Variants in PELI2 observed in about 807,000 individuals in gnomAD.
PELI2 encodes pellino E3 ubiquitin protein ligase family member 2.
In PELI2, 23 loss-of-function variants were observed where a neutral mutation model predicts 42.3. The ratio of observed to expected loss-of-function variants is 0.54; its 90% CI spans 0.39 to 0.77. The LOEUF is 0.77. Among genes scored for constraint, PELI2 ranks in the 30% least tolerant of loss-of-function variants. The pLI is 0.00. For synonymous variants in PELI2, 245 were observed against 212.2 expected, an observed-to-expected ratio of 1.15 and a Z score of -1.34; for missense variants, 463 against 553.2, an observed-to-expected ratio of 0.84 and a Z score of 1.64.
chr14:56,297,195 TA>T lies in PELI2; in HGVS notation c.*31del, dbSNP rs1566691890. 1.3e-6 allele frequency: 2 copies of T among 1,496,124 alleles called. No individual in the cohort carries two copies. Among genetic ancestry groups the T allele is most frequent in the East Asian group, 2.3e-5 (1 of 43,208 alleles). 92.7% of individuals were successfully genotyped at this position (1,496,124 alleles called of 1,614,324 possible). The stretch of plus-strand genomic sequence containing the variant: ...CCTTGACAGCCATCTACGACTTTAT[TA>T]ACAGGTTACTGTGAAGATTTTGCCA... On this transcript the variant is annotated 3_prime_UTR_variant, in exon 6 of 6. Coordinates refer to ENST00000267460, the MANE Select transcript of PELI2 (RefSeq NM_021255.3).
chr14:56,187,968 G>A (rs753818744), intron 2 of PELI2, among the ~76,000 whole-genome samples: 4 of 152,200 alleles, frequency 2.6e-5, no homozygotes, highest in East Asian at 1.9e-4. Flanking sequence ...CGCAGGGGGC[G>A]TTGTCGTTGC....
chr14:56,290,223 ACAT>A, intron 4 of PELI2, 42 bp from the exon 5 acceptor site: 1 of 1,407,694 alleles, frequency 7.1e-7, no homozygotes, highest in African/African-American at 1.4e-5. Context: ...TTCCATTTCA[ACAT>A]CATCTTAACC....
intron 2 of PELI2, among the ~76,000 whole-genome samples, chr14:56,269,163 A>G (rs1889012223): frequency 6.6e-6 from 1 of 152,186 alleles, no homozygotes. Context: ...TGATTGGGTT[A>G]GGTGCAATGG....
chr14:56,212,741 C>G (rs1427499243), intron 2 of PELI2, among the ~76,000 whole-genome samples: 1 of 152,214 alleles, frequency 6.6e-6, no homozygotes, highest in African/African-American at 2.4e-5. Context: ...CTTCAGTCTT[C>G]TGTCAGCAGC....
At chr14:56,287,877 T>C (rs1186826028) in intron 3 of PELI2, among the ~76,000 whole-genome samples, 4 of 152,192 alleles carry the variant, frequency 2.6e-5, no homozygotes. Context: ...AGAATAAAAA[T>C]GCCTTGGAAA....
intron 2 of PELI2, among the ~76,000 whole-genome samples, chr14:56,261,854 C>T (rs185559717): frequency 6.6e-6 from 1 of 152,234 alleles, no homozygotes; most frequent in Admixed American, 6.5e-5. Flanking sequence ...GGAGTTGTAT[C>T]CATGTAGGAG....
At position 56,290,333 on chromosome 14, in the gene PELI2, G is replaced by A; in HGVS notation, c.573G>A (p.Leu191=). 1 of 1,613,474 alleles carries A rather than the reference G, an allele frequency of 6.2e-7. No homozygotes were observed. Among genetic ancestry groups the A allele is most frequent in the Non-Finnish European group, 8.5e-7 (1 of 1,179,602 alleles). ...HMDGLTTNGV[L]VMHPRGGFTE... is the part of the protein sequence containing the mutation. ...ATGGGCTCACTACTAATGGCGTCCT[G>A]GTGATGCATCCACGAGGGGGCTTCA... Residue 191 remains leucine (L), a synonymous_variant, in exon 5 of 6, where the codon CTG becomes CTA. Transcript: ENST00000267460.
chr14:56,123,068 T>C (rs888288818), intron 1 of PELI2, among the ~76,000 whole-genome samples: 3 of 152,138 alleles, frequency 2.0e-5, no homozygotes, highest in African/African-American at 7.2e-5. Context: ...TTAGTAGAAA[T>C]TGATAAGCTC....
At chr14:56,195,800 A>G (rs1325997301) in intron 2 of PELI2, among the ~76,000 whole-genome samples, 1 of 152,194 alleles carries the variant, frequency 6.6e-6, no homozygotes, top group Non-Finnish European at 1.5e-5. Flanking sequence ...CAGATGTCAA[A>G]AAGCCTAATC....
At chr14:56,263,101 C>A (rs1000834956) in intron 2 of PELI2, among the ~76,000 whole-genome samples, 1 of 152,042 alleles carries the variant, frequency 6.6e-6, no homozygotes, top group Admixed American at 6.6e-5. Flanking sequence ...GGATTACGGG[C>A]GCCTGCCACC....
chr14:56,233,456 C>A (rs1030823130), intron 2 of PELI2, among the ~76,000 whole-genome samples: 2 of 152,176 alleles, frequency 1.3e-5, no homozygotes, highest in African/African-American at 4.8e-5. Context: ...TACCACACAT[C>A]TACAACCATC....
intron 1 of PELI2, among the ~76,000 whole-genome samples, chr14:56,162,596 G>A (rs117329611): frequency 4.9e-3 from 748 of 152,290 alleles, no homozygotes; most frequent in Non-Finnish European, 8.5e-3. Flanking sequence ...TCTCTTTGAT[G>A]TACTGATTTC....
In PELI2 at chr14:56,166,010, G is replaced by A. The variant is rs889534693; in HGVS notation, c.78-12325G>A. 3.9e-5 allele frequency among the ~76,000 whole-genome samples: 6 copies of A among 152,006 alleles called. No individual in the cohort carries two copies. In the East Asian group the frequency reaches 1.2e-3, roughly 29 times the overall value. ...ACTCTCATTATTAATAAGGGTTTCT[G>A]CCATTTTGTTATTTATTTTGTGGTT... On this transcript the variant is annotated intron_variant, in intron 1 of 5. Coordinates refer to ENST00000267460, the MANE Select transcript of PELI2 (RefSeq NM_021255.3).
Position 56,249,486 on chromosome 14 carries a change from A to G in PELI2, c.208-30190A>G, listed in dbSNP as rs141408682. On this transcript the variant is annotated intron_variant, in intron 2 of 5. Coordinates refer to ENST00000267460, the MANE Select transcript of PELI2 (RefSeq NM_021255.3). ...CCCACCAAAGACCACTTCCTCCTCC[A>G]TTCAACTCTTCCAAGGTGCAGTCAG... Among the ~76,000 whole-genome samples the G allele has an allele frequency of 3.0e-3, 464 of 152,220 alleles. 2 individuals are homozygous for G. Among genetic ancestry groups the G allele is most frequent in the African/African-American group, 0.011 (443 of 41,532 alleles).
At chr14:56,261,467 T>C (rs1348190787) in intron 2 of PELI2, among the ~76,000 whole-genome samples, 1 of 152,234 alleles carries the variant, frequency 6.6e-6, no homozygotes, top group Admixed American at 6.5e-5. Flanking sequence ...CGCTTTCAAC[T>C]ACATCGCTTT....
chr14:56,138,838 A>T (rs968803508), intron 1 of PELI2, among the ~76,000 whole-genome samples: 2 of 152,334 alleles, frequency 1.3e-5, no homozygotes, highest in East Asian at 3.9e-4. Flanking sequence ...GTGATTATGG[A>T]AACGCTCAGT....
At chr14:56,240,353 A>G (rs1358757318) in intron 2 of PELI2, among the ~76,000 whole-genome samples, 2 of 152,082 alleles carry the variant, frequency 1.3e-5, no homozygotes, top group Non-Finnish European at 2.9e-5. Context: ...GGTAGAAATG[A>G]CCAACTGGGT....
At chr14:56,283,836 G>C (rs1312354573) in intron 3 of PELI2, among the ~76,000 whole-genome samples, 1 of 152,204 alleles carries the variant, frequency 6.6e-6, no homozygotes, top group African/African-American at 2.4e-5. Flanking sequence ...GGACCTGTTA[G>C]AAGGATCTGT....
intron 1 of PELI2, among the ~76,000 whole-genome samples, chr14:56,132,367 T>C (rs920011502): frequency 1.3e-5 from 2 of 152,204 alleles, no homozygotes; most frequent in Non-Finnish European, 2.9e-5. Flanking sequence ...TCATCGTCCA[T>C]AATAACTTTT....
Sources: gnomAD v4.1 joint callset for allele counts (sites outside exome capture counted in the v4.1 genomes callset) on GRCh38, gnomAD v4.1.1 for gene constraint, MANE v1.5 for transcripts, NCBI Gene and HGNC (gene_info 2026-07-23, HGNC 2026-07-21) for gene names.